NUP58: variants seen among roughly 807,000 people sequenced by gnomAD.
NUP58 encodes nucleoporin p58/p45.
In NUP58, 17 loss-of-function variants were observed where a neutral mutation model predicts 70.1. That is an observed-to-expected ratio of 0.24 (90% CI 0.17 to 0.36). The LOEUF (loss-of-function observed/expected upper bound fraction) is 0.36, where lower values mean the gene tolerates loss of function less well. NUP58 is among the 10% of genes least tolerant of loss of function. NUP58 has a pLI of 1.00. For missense variants in NUP58, 644 were observed against 701.5 expected (o/e 0.92, Z 0.93); for synonymous variants, 275 against 257.6 (o/e 1.07, Z -0.65).
intron 3 of NUP58, among the ~76,000 whole-genome samples, chr13:25,310,767 T>G (rs2030626486): frequency 6.6e-6 from 1 of 152,196 alleles, no homozygotes; most frequent in African/African-American, 2.4e-5. Flanking sequence ...AGTTTCTGGC[T>G]TCTTTTCTCT....
Position 25,312,769 on chromosome 13 carries a change from C to T in NUP58, c.287-114C>T, listed in dbSNP as rs142642913. On this transcript the variant is annotated intron_variant, in intron 3 of 15. Coordinates refer to ENST00000381736, the MANE Select transcript of NUP58 (RefSeq NM_014089.4). The stretch of plus-strand genomic sequence containing the variant: ...CACAGATACACCCTTCTTCTATTGG[C>T]AAAAGGTAGTATCATGAACTTTTAA... The T allele has an allele frequency of 1.3e-4, 132 of 982,274 alleles. 2 individuals are homozygous for T. The African/African-American group carries it at 1.8e-3, about 13-fold the overall frequency. 60.8% of individuals were successfully genotyped at this position (982,274 alleles called of 1,614,324 possible). A position where few individuals can be genotyped will look rare whatever the true frequency, so the allele number is the denominator to read the frequency against.
Position 25,313,811 on chromosome 13 carries a change from T to G in NUP58, c.574+60T>G, listed in dbSNP as rs539324878. 7.4e-6 allele frequency: 10 copies of G among 1,348,204 alleles called. No individual in the cohort carries two copies. The African/African-American group carries it at 1.6e-4, about 21-fold the overall frequency. 83.5% of individuals were successfully genotyped at this position (1,348,204 alleles called of 1,614,324 possible). A position where few individuals can be genotyped will look rare whatever the true frequency, so the allele number is the denominator to read the frequency against. ...TATTTATATTTAAATGTACTTATTT[T>G]TATTTTAGTACTTTGAGCAGGTCAC... On this transcript the variant is annotated intron_variant, in intron 5 of 15. Transcript: ENST00000381736.
At chr13:25,322,513 A>G (rs745416410) in intron 9 of NUP58, among the ~76,000 whole-genome samples, 18 of 152,226 alleles carry the variant, frequency 1.2e-4, no homozygotes, top group Non-Finnish European at 1.8e-4. Context: ...ACATGATGCC[A>G]CAGGTGGAAA....
At position 25,301,692 on chromosome 13, in the gene NUP58, G is replaced by A. The variant is rs1458254271; in HGVS notation, c.-82G>A. On this transcript the variant is annotated 5_prime_UTR_variant, in exon 1 of 16. Coordinates refer to ENST00000381736, the MANE Select transcript of NUP58 (RefSeq NM_014089.4). ...GTCCGTGCCGGGCGAGAGAGATGCT[G>A]CCCGGCCCGCCTCGGCTTTGAGGCG... The A allele has an allele frequency of 7.0e-6, 5 of 716,826 alleles. No homozygotes were observed. Among genetic ancestry groups the A allele is most frequent in the Non-Finnish European group, 8.4e-6 (4 of 473,436 alleles). 44.4% of individuals were successfully genotyped at this position (716,826 alleles called of 1,614,324 possible).
At chr13:25,328,436 C>T (rs1333401181) in intron 12 of NUP58, among the ~76,000 whole-genome samples, 2 of 148,728 alleles carry the variant, frequency 1.3e-5, no homozygotes, top group African/African-American at 5.0e-5. Flanking sequence ...TGCTCTGTCG[C>T]CCAGGCTGGA....
At chr13:25,347,868 T>C (rs558234100) in intron 3 of NUP58, among the ~76,000 whole-genome samples, 36 of 152,174 alleles carry the variant, frequency 2.4e-4, no homozygotes, top group Non-Finnish European at 3.8e-4. Flanking sequence ...AAAACAATAA[T>C]GTGCTGAGCA....
At chr13:25,305,692 C>T (rs2030314661) in intron 1 of NUP58, among the ~76,000 whole-genome samples, 1 of 152,196 alleles carries the variant, frequency 6.6e-6, no homozygotes, top group Admixed American at 6.5e-5. Flanking sequence ...TGCAGTATCT[C>T]TTTGCCATCG....
At chr13:25,343,015 T>G (rs748083026), downstream of NUP58, among the ~76,000 whole-genome samples, 7 of 152,052 alleles carry the variant, frequency 4.6e-5, no homozygotes, top group African/African-American at 1.2e-4. Flanking sequence ...AAATGTAATT[T>G]TTTAAAATTT....
intron 9 of NUP58, among the ~76,000 whole-genome samples, chr13:25,324,511 A>G (rs1178280943): frequency 2.0e-5 from 3 of 152,158 alleles, no homozygotes; most frequent in African/African-American, 4.8e-5. Context: ...TTCTTCATCT[A>G]TAAAAAGAGA....
chr13:25,308,659 CA>C (rs746256867), intron 2 of NUP58, among the ~76,000 whole-genome samples: 2 of 151,976 alleles, frequency 1.3e-5, no homozygotes, highest in African/African-American at 4.8e-5. Context: ...ATTATTAAAA[CA>C]AAGTGGGAAA....
intron 7 of NUP58, among the ~76,000 whole-genome samples, chr13:25,319,748 C>A: frequency 6.6e-6 from 1 of 152,034 alleles, no homozygotes; most frequent in Non-Finnish European, 1.5e-5. Context: ...AAGAGAATAG[C>A]CTCCATATAC....
At chr13:25,345,368 G>T (rs1484449038), downstream of NUP58, among the ~76,000 whole-genome samples, 2 of 123,700 alleles carry the variant, frequency 1.6e-5, no homozygotes, top group African/African-American at 5.9e-5. Flanking sequence ...TTCATATGGG[G>T]GAAACTACAA....
At chr13:25,325,796 G>A (rs2031371714) in intron 10 of NUP58, among the ~76,000 whole-genome samples, 1 of 152,292 alleles carries the variant, frequency 6.6e-6, no homozygotes, top group South Asian at 2.1e-4. Flanking sequence ...CTAGGCTAAA[G>A]TGATTCTCCC....
chr13:25,315,885 G>A (rs1490012577), intron 6 of NUP58, among the ~76,000 whole-genome samples: 8 of 152,074 alleles, frequency 5.3e-5, no homozygotes, highest in African/African-American at 1.9e-4. Context: ...AATTGCCCGG[G>A]TTCAGATCCT....
chr13:25,332,104 C>T (rs763446228), intron 13 of NUP58: 3 of 990,762 alleles, frequency 3.0e-6, no homozygotes, highest in Non-Finnish European at 3.6e-6. Context: ...GCCCTCTAAA[C>T]CAAATTTTGA....
intron 10 of NUP58, among the ~76,000 whole-genome samples, chr13:25,326,161 C>T (rs551855287): frequency 2.6e-5 from 4 of 152,258 alleles, no homozygotes; most frequent in East Asian, 3.9e-4. Context: ...CCATGATATT[C>T]GTCTTACTCA....
chr13:25,304,478 TTATATATATATATATATA>T (rs67019897), intron 1 of NUP58, among the ~76,000 whole-genome samples: 15,019 of 83,494 alleles, frequency 0.18, 1,465 homozygotes, highest in Non-Finnish European at 0.23. Flanking sequence ...GTTGTCAAGA[TTATATATATATATATATA>T]TATATATATA....
chr13:25,330,949 GTT>G (rs2031581675), intron 12 of NUP58, among the ~76,000 whole-genome samples: 1 of 150,902 alleles, frequency 6.6e-6, no homozygotes, highest in Non-Finnish European at 1.5e-5. Context: ...TTTTTAAACT[GTT>G]TTAATCAAAA....
intron 3 of NUP58, among the ~76,000 whole-genome samples, chr13:25,312,104 G>A (rs555161621): frequency 1.2e-4 from 18 of 152,220 alleles, no homozygotes; most frequent in African/African-American, 4.3e-4. Context: ...GGTAGGAATG[G>A]AACTCTAGGA....
Sources: gnomAD v4.1 joint callset for allele counts (sites outside exome capture counted in the v4.1 genomes callset) on GRCh38, gnomAD v4.1.1 for gene constraint, MANE v1.5 for transcripts, NCBI Gene and HGNC (gene_info 2026-07-23, HGNC 2026-07-21) for gene names.